PALB2: variants seen among roughly 807,000 people sequenced by gnomAD.
PALB2 encodes the protein partner and localizer of BRCA2.
A neutral mutation model predicts 107.4 loss-of-function variants in PALB2; 82 were observed. The observed-to-expected ratio is 0.76, with a 90% CI of 0.64 to 0.92. The LOEUF (loss-of-function observed/expected upper bound fraction) is 0.92, where lower values mean the gene tolerates loss of function less well. Among genes scored for constraint, PALB2 ranks in the 40% least tolerant of loss-of-function variants. PALB2 has a pLI of 0.00. For missense variants in PALB2, 1,374 were observed against 1,379.9 expected (o/e 1.00, Z 0.07); for synonymous variants, 489 against 496.8 (o/e 0.98, Z 0.21).
intron 1 of PALB2, chr16:23,638,734 T>C: frequency 2.8e-6 from 1 of 351,448 alleles, no homozygotes; most frequent in South Asian, 2.1e-5. Flanking sequence ...AATACACAGA[T>C]AAACAGAGTG....
At chr16:23,626,486 A>T (rs2142357767) in intron 6 of PALB2, 89 bp from the exon 7 acceptor site, 1 of 1,478,850 alleles carries the variant, frequency 6.8e-7, no homozygotes, top group South Asian at 1.1e-5. Flanking sequence ...ATTATAATTC[A>T]ATGAAACAGT....
Position 23,635,176 on chromosome 16 carries a change from T to G in PALB2, c.1370A>C (p.Glu457Ala). 1 of 1,614,212 alleles carries G rather than the reference T, an allele frequency of 6.2e-7. No homozygotes were observed. The highest frequency in any genetic ancestry group is 1.1e-5 in the South Asian group (1 of 91,080). Residue 457 changes from glutamate (E) to alanine (A), a missense_variant, in exon 4 of 13, where the codon GAA (glutamate) becomes GCA (alanine). By Grantham distance (107) the Glu-to-Ala change is moderately radical (BLOSUM62 -1). Transcript: ENST00000261584. ...CATCCTAATTTCACTTTGGTCAGTT[T>G]CCTCATTGGAAAGGTTTAAATTTTT... Reference protein sequence around the residue: ...ASKNLNLSNEETDQSEIRMSG... With the variant: ...ASKNLNLSNEATDQSEIRMSG...
chr16:23,618,004 A>G (rs1966713381), intron 10 of PALB2, among the ~76,000 whole-genome samples: 1 of 152,082 alleles, frequency 6.6e-6, no homozygotes, highest in African/African-American at 2.4e-5. Flanking sequence ...AAAGAAAAAG[A>G]AAAAGAAAAA....
intron 12 of PALB2, chr16:23,605,784 T>C (rs1194729481): frequency 6.6e-6 from 1 of 152,168 alleles, no homozygotes; most frequent in Admixed American, 6.6e-5. Flanking sequence ...TAATCACCAA[T>C]GTGATGGTAT....
intron 8 of PALB2, 56 bp from the exon 9 acceptor site, chr16:23,623,186 A>C: frequency 2.8e-6 from 4 of 1,437,848 alleles, no homozygotes; most frequent in Non-Finnish European, 3.8e-6. Context: ...TTTAATATTA[A>C]AGGACTAGGT....
chr16:23,621,270 C>CTTA, intron 10 of PALB2, 92 bp downstream of exon 10: 5 of 877,048 alleles, frequency 5.7e-6, no homozygotes. Flanking sequence ...TACACATACT[C>CTTA]TCTTATTTAA....
intron 4 of PALB2, among the ~76,000 whole-genome samples, chr16:23,630,692 T>C (rs1966869282): frequency 6.6e-6 from 1 of 152,132 alleles, no homozygotes; most frequent in African/African-American, 2.4e-5. Flanking sequence ...GCTTCTAAAC[T>C]CAAATATACT....
chr16:23,623,501 C>CTT lies in PALB2; in HGVS notation c.2835-373_2835-372dup, dbSNP rs1189941589. On this transcript the variant is annotated intron_variant, in intron 8 of 12. Transcript: ENST00000261584. ...ACAGGTGTGAGCCACCATACCCGGC[C>CTT]TTTTTTTTTTTTTTTTTTTTTTTTT... 7.8e-4 allele frequency among the ~76,000 whole-genome samples: 49 copies of CTT among 62,550 alleles called. 4 individuals carry two copies. Among genetic ancestry groups the CTT allele is most frequent in the African/African-American group, 2.9e-3 (34 of 11,548 alleles). 41.0% of individuals were successfully genotyped at this position (62,550 alleles called of 152,430 possible). A position where few individuals can be genotyped will look rare whatever the true frequency, so the allele number is the denominator to read the frequency against.
At chr16:23,630,685 T>C (rs1171789742) in intron 4 of PALB2, among the ~76,000 whole-genome samples, 1 of 152,184 alleles carries the variant, frequency 6.6e-6, no homozygotes, top group South Asian at 2.1e-4. Flanking sequence ...AGAGTGAGCT[T>C]CTAAACTCAA....
rs587776428 is a variant in PALB2 at position 23,603,511 on chromosome 16, TGA to T, written c.3507_3508del (p.His1170PhefsTer19). The T allele has an allele frequency of 1.9e-6, 3 of 1,613,872 alleles. No homozygotes were observed. Among genetic ancestry groups the T allele is most frequent in the Admixed American group, 1.7e-5 (1 of 59,954 alleles). ...TCCATCTTTTTGTCCAGCCAGCAAATGAGAGTCTGTACCCGACCATTTCACAA... is the reference window on the plus strand; with the variant it reads ...TCCATCTTTTTGTCCAGCCAGCAAATGAGTCTGTACCCGACCATTTCACAA... On this transcript the variant is annotated frameshift_variant, in exon 13 of 13. Transcript: ENST00000261584. LOFTEE classifies it high-confidence loss of function.
Position 23,636,251 on chromosome 16 carries a change from T to C in PALB2, c.295A>G (p.Thr99Ala). The C allele has an allele frequency of 6.2e-7, 1 of 1,613,828 alleles. No homozygotes were observed. The highest frequency in any genetic ancestry group is 1.1e-5 in the South Asian group (1 of 91,044). ...DEETGEKTSI[T>A]LDVGPESFNP... ...AAGGACTCAGGCCCAACATCAAGTG[T>C]GATAGATGTCTTTTCTCCAGTTTCT... The change falls in exon 4 of 13, where the codon ACA becomes GCA. Residue 99 changes from threonine to alanine, a missense_variant. Coordinates refer to ENST00000261584, the MANE Select transcript of PALB2 (RefSeq NM_024675.4).
chr16:23,613,874 A>G, intron 11 of PALB2, 130 bp downstream of exon 11: 1 of 714,164 alleles, frequency 1.4e-6, no homozygotes, highest in African/African-American at 1.8e-5. Context: ...AAGAAAGGAC[A>G]AACATTGCTA....
intron 12 of PALB2, among the ~76,000 whole-genome samples, chr16:23,605,661 G>A (rs1284140011): frequency 1.3e-5 from 2 of 152,104 alleles, no homozygotes; most frequent in African/African-American, 2.4e-5. Flanking sequence ...TGCCCGCCTC[G>A]GCTTCCCAAA....
intron 11 of PALB2, among the ~76,000 whole-genome samples, chr16:23,609,099 T>TC (rs1225461974): frequency 6.6e-6 from 1 of 152,142 alleles, no homozygotes; most frequent in Non-Finnish European, 1.5e-5. Flanking sequence ...GGGCCGGGAT[T>TC]ATAGGCGTGA....
chr16:23,625,553 G>T (rs1032655632), intron 7 of PALB2, among the ~76,000 whole-genome samples: 1 of 152,072 alleles, frequency 6.6e-6, no homozygotes, highest in Non-Finnish European at 1.5e-5. Flanking sequence ...CCAGCACTTT[G>T]CGAGGCTGAG....
At chr16:23,629,588 C>T (rs2142370702) in intron 5 of PALB2, 52 bp downstream of exon 5, 1 of 1,540,788 alleles carries the variant, frequency 6.5e-7, no homozygotes, top group Non-Finnish European at 9.0e-7. Flanking sequence ...TTTACATTCA[C>T]TAAGGCATTT....
intron 12 of PALB2, among the ~76,000 whole-genome samples, chr16:23,606,568 C>G (rs1966478373): frequency 6.6e-6 from 1 of 152,192 alleles, no homozygotes; most frequent in Non-Finnish European, 1.5e-5. Context: ...CACTTCAGCC[C>G]AGGCTGCAGT....
chr16:23,610,309 CTTT>C (rs200742073), intron 11 of PALB2, among the ~76,000 whole-genome samples: 14 of 133,698 alleles, frequency 1.0e-4, no homozygotes, highest in Admixed American at 2.3e-4. Flanking sequence ...AATGTTATTT[CTTT>C]TTTTTTTTTT....
chr16:23,632,197 C>T lies in PALB2; in HGVS notation c.1685-1728G>A, dbSNP rs140744381. ...GTGGCTCACACCTATAATCCCATCA[C>T]TTTGAGAGGCTGAAGGCAGGTGGAT... is the stretch of plus-strand genomic sequence containing the variant. On this transcript the variant is annotated intron_variant, in intron 4 of 12. Transcript: ENST00000261584. Among the ~76,000 whole-genome samples, 1,230 of 152,290 alleles carry T rather than the reference C, an allele frequency of 8.1e-3. 19 individuals carry two copies. The highest frequency in any genetic ancestry group is 0.028 in the African/African-American group (1,160 of 41,544).
Sources: allele counts gnomAD v4.1 joint callset (sites outside exome capture counted in the v4.1 genomes callset), GRCh38; gene constraint gnomAD v4.1.1; transcripts MANE v1.5; gene names NCBI Gene and HGNC (gene_info 2026-07-23, HGNC 2026-07-21).